The following LINGO2 variants were observed in gnomAD, a reference collection of about 807,000 sequenced individuals.
LINGO2 encodes the protein leucine-rich repeat and immunoglobulin-like domain-containing nogo receptor-interacting protein 2.
LINGO2 carries 14 observed loss-of-function variants against 30.6 expected under a neutral mutation model. That is an observed-to-expected ratio of 0.46 (90% confidence interval 0.30 to 0.72). The LOEUF (loss-of-function observed/expected upper bound fraction) is 0.72, where lower values mean the gene tolerates loss of function less well. Among genes scored for constraint, LINGO2 ranks in the 30% least tolerant of loss-of-function variants. The probability of loss-of-function intolerance (pLI) is 0.07; values close to 1 mark genes in which losing one functional copy is unlikely to be tolerated. For synonymous variants in LINGO2, 317 were observed against 288.5 expected, an observed-to-expected ratio of 1.10 and a Z score of -1.00; for missense variants, 729 against 751.7, an observed-to-expected ratio of 0.97 and a Z score of 0.35.
At chr9:28,969,388 T>C in the LINGO2 span, among the ~76,000 whole-genome samples, 1 of 152,110 alleles carries the variant, frequency 6.6e-6, no homozygotes, top group East Asian at 1.9e-4. Context: ...TGCTGGTAAC[T>C]GAGACTGAAG....
At chr9:29,069,565 T>G in the LINGO2 span, among the ~76,000 whole-genome samples, 2 of 152,060 alleles carry the variant, frequency 1.3e-5, no homozygotes, top group Non-Finnish European at 2.9e-5. Flanking sequence ...TGAAATTCCT[T>G]TTTCAAGTCT....
chr9:28,566,637 CT>C (rs1823398466), intron 1 of LINGO2, among the ~76,000 whole-genome samples: 1 of 152,092 alleles, frequency 6.6e-6, no homozygotes. Flanking sequence ...TCAGAAGTGC[CT>C]GCAAGGGGTG....
chr9:28,850,764 C>G, the LINGO2 span, among the ~76,000 whole-genome samples: 2 of 151,986 alleles, frequency 1.3e-5, no homozygotes, highest in African/African-American at 4.8e-5. Flanking sequence ...CTACCCTACT[C>G]TAATAGAATT....
intron 5 of LINGO2, among the ~76,000 whole-genome samples, chr9:28,006,828 C>CA (rs1465245480): frequency 6.6e-6 from 1 of 152,124 alleles, no homozygotes; most frequent in Non-Finnish European, 1.5e-5. Context: ...CTCAGAAATG[C>CA]TTTCCCCTAA....
the LINGO2 span, among the ~76,000 whole-genome samples, chr9:28,737,543 T>G: frequency 6.6e-6 from 1 of 152,168 alleles, no homozygotes. Context: ...TACATATATT[T>G]TCTTAAGTCA....
chr9:28,194,607 A>G (rs1461971431), intron 4 of LINGO2, among the ~76,000 whole-genome samples: 2 of 151,690 alleles, frequency 1.3e-5, no homozygotes, highest in Admixed American at 6.6e-5. Flanking sequence ...TAACAAGGAA[A>G]AGCTTTCAAA....
At chr9:28,464,157 T>C (rs2135135431) in intron 2 of LINGO2, among the ~76,000 whole-genome samples, 1 of 152,296 alleles carries the variant, frequency 6.6e-6, no homozygotes, top group Admixed American at 6.5e-5. Flanking sequence ...TATTTCAATA[T>C]TTTCCCATGT....
intron 1 of LINGO2, among the ~76,000 whole-genome samples, chr9:28,561,749 G>GTGTGTGTGTATA (rs772157537): frequency 6.2e-5 from 3 of 48,718 alleles, no homozygotes; most frequent in Admixed American, 2.2e-4. Context: ...GTGTGTGTGT[G>GTGTGTGTGTATA]TATATATATA....
chr9:28,730,183 G>A, the LINGO2 span, among the ~76,000 whole-genome samples: 1 of 152,044 alleles, frequency 6.6e-6, no homozygotes, highest in East Asian at 1.9e-4. Context: ...GGCAATAAAG[G>A]GAATAGCCAG....
chr9:28,922,261 T>A, the LINGO2 span, among the ~76,000 whole-genome samples: 1 of 152,190 alleles, frequency 6.6e-6, no homozygotes, highest in African/African-American at 2.4e-5. Context: ...TTCAAACTAG[T>A]GCATGTTGTG....
At chr9:28,412,975 A>G (rs1320323693) in intron 2 of LINGO2, among the ~76,000 whole-genome samples, 1 of 152,120 alleles carries the variant, frequency 6.6e-6, no homozygotes, top group Non-Finnish European at 1.5e-5. Context: ...AAAGATCTTC[A>G]TGATGATTCA....
At chr9:29,102,417 A>G in the LINGO2 span, among the ~76,000 whole-genome samples, 2 of 152,196 alleles carry the variant, frequency 1.3e-5, no homozygotes, top group African/African-American at 2.4e-5. Flanking sequence ...ATCTGTTTGC[A>G]TAATTTTAGC....
intron 4 of LINGO2, chr9:28,149,229 G>A (rs1427482145): frequency 1.6e-5 from 15 of 959,338 alleles, no homozygotes; most frequent in Admixed American, 4.8e-5. Flanking sequence ...GGTGGCCCAC[G>A]CCTGTAATCA....
the LINGO2 span, among the ~76,000 whole-genome samples, chr9:29,044,952 T>C: frequency 6.6e-6 from 1 of 152,152 alleles, no homozygotes; most frequent in Non-Finnish European, 1.5e-5. Flanking sequence ...TAAAAAGTTT[T>C]GTAAATATTT....
At chr9:28,539,802 T>C (rs1719531241) in intron 1 of LINGO2, among the ~76,000 whole-genome samples, 1 of 152,146 alleles carries the variant, frequency 6.6e-6, no homozygotes, top group Admixed American at 6.5e-5. Flanking sequence ...TGTTGCTGTC[T>C]CCTCCACATT....
At chr9:28,578,838 A>G (rs1279512590) in intron 1 of LINGO2, among the ~76,000 whole-genome samples, 1 of 152,140 alleles carries the variant, frequency 6.6e-6, no homozygotes, top group African/African-American at 2.4e-5. Context: ...GTATAAATTC[A>G]TGGTTGGTTT....
chr9:28,717,652 A>G, the LINGO2 span, among the ~76,000 whole-genome samples: 1 of 152,076 alleles, frequency 6.6e-6, no homozygotes, highest in Non-Finnish European at 1.5e-5. Flanking sequence ...AATGGTAGAC[A>G]GAGTGTTTTT....
At chr9:28,665,262 A>G (rs1828754816) in intron 1 of LINGO2, among the ~76,000 whole-genome samples, 2 of 151,908 alleles carry the variant, frequency 1.3e-5, no homozygotes, top group Non-Finnish European at 2.9e-5. Flanking sequence ...AATCTACTCT[A>G]GATCTAAATA....
intron 4 of LINGO2, among the ~76,000 whole-genome samples, chr9:28,095,778 A>G (rs1245253045): frequency 1.3e-5 from 2 of 152,192 alleles, no homozygotes; most frequent in African/African-American, 2.4e-5. Flanking sequence ...CAGGCAACCT[A>G]CAAAACGGGA....
Sources: allele counts gnomAD v4.1 joint callset (sites outside exome capture counted in the v4.1 genomes callset), GRCh38; gene constraint gnomAD v4.1.1; transcripts MANE v1.5; gene names NCBI Gene and HGNC (gene_info 2026-07-23, HGNC 2026-07-21).